Variants in PDE3B observed in about 807,000 individuals in gnomAD.
PDE3B encodes cGMP-inhibited 3',5'-cyclic phosphodiesterase 3B.
In PDE3B, 66 loss-of-function variants were observed where a neutral mutation model predicts 116.8. The observed-to-expected ratio is 0.56, with a 90% CI of 0.46 to 0.69. The LOEUF (loss-of-function observed/expected upper bound fraction) is 0.69. Ranked by LOEUF, PDE3B falls within the 30% of genes least tolerant of loss-of-function variation. PDE3B has a pLI of 0.00. For missense variants in PDE3B, 1,384 were observed against 1,368.1 expected (o/e 1.01, Z -0.18); for synonymous variants, 595 against 533.6 (o/e 1.12, Z -1.59).
chr11:14,830,685 TA>T lies in PDE3B; in HGVS notation c.1808-12del. 3.0e-6 allele frequency: 4 copies of T among 1,345,550 alleles called. No homozygotes were observed. The highest frequency in any genetic ancestry group is 5.2e-5 in the Admixed American group (2 of 38,444). The allele number at this position is 1,345,550 out of a possible 1,614,324, so 83.4% of individuals were successfully genotyped here. Reference sequence around the variant, plus strand: ...TTTTACTCCTATATATTACTATATATATTTTTTGAAAGGTGAAGAAGAAAAC... The same window carrying T: ...TTTTACTCCTATATATTACTATATATTTTTTTGAAAGGTGAAGAAGAAAAC... On this transcript the variant is annotated splice_polypyrimidine_tract_variant and intron_variant, in intron 7 of 15. Coordinates refer to ENST00000282096, the MANE Select transcript of PDE3B (RefSeq NM_000922.4).
At position 14,674,641 on chromosome 11, in the gene PDE3B, A is replaced by T. The variant is rs112055335; in HGVS notation, c.978+29588A>T. ...TTGATTTTCAGCTAACAATCTTCTA[A>T]AGTTGCTGTTATTTGAACTACTTAA... On this transcript the variant is annotated intron_variant, in intron 1 of 15. Transcript: ENST00000282096. The T allele has an allele frequency of 3.0e-3, 874 of 294,944 alleles. 5 individuals are homozygous for T. The highest frequency in any genetic ancestry group is 0.015 in the African/African-American group (662 of 44,986). The allele number at this position is 294,944 out of a possible 1,614,324, so 18.3% of individuals were successfully genotyped here.
At position 14,789,236 on chromosome 11, in the gene PDE3B, T is replaced by C; in HGVS notation, c.1409T>C (p.Ile470Thr). 1.2e-6 allele frequency: 2 copies of C among 1,604,484 alleles called. No individual in the cohort carries two copies. The highest frequency in any genetic ancestry group is 2.7e-5 in the African/African-American group (2 of 74,486). ...NGKRPHQEFG[I>T]SSQGCYLNGP... is the part of the protein sequence containing the mutation. ...AAAAGACCTCACCAAGAATTTGGCA[T>C]TTCAAGGTAAAATCTGCAGAGCCTT... Residue 470 changes from isoleucine (I) to threonine (T), a missense_variant, in exon 4 of 16, where the codon ATT becomes ACT. Around this residue, in one of 2 missense-constraint regions of PDE3B, gnomAD observed 956 missense variants for 806.8 expected, o/e 1.18. Coordinates refer to ENST00000282096, the MANE Select transcript of PDE3B (RefSeq NM_000922.4).
intron 2 of PDE3B, among the ~76,000 whole-genome samples, chr11:14,777,210 A>T (rs1857814552): frequency 6.6e-6 from 1 of 152,168 alleles, no homozygotes; most frequent in African/African-American, 2.4e-5. Flanking sequence ...CCAATTTTAC[A>T]ACATAGAGGA....
At chr11:14,806,720 G>T (rs1191694831) in intron 5 of PDE3B, among the ~76,000 whole-genome samples, 1 of 150,426 alleles carries the variant, frequency 6.6e-6, no homozygotes, top group African/African-American at 2.4e-5. Context: ...TTAGCCGGGC[G>T]TAGTGGCGGG....
chr11:14,668,227 C>G (rs1452201121), intron 1 of PDE3B, among the ~76,000 whole-genome samples: 3 of 152,044 alleles, frequency 2.0e-5, no homozygotes, highest in Non-Finnish European at 2.9e-5. Flanking sequence ...TACTTAAGCT[C>G]AATATTTAAT....
intron 1 of PDE3B, among the ~76,000 whole-genome samples, chr11:14,742,722 TCTAC>T (rs1856805695): frequency 6.6e-6 from 1 of 152,190 alleles, no homozygotes; most frequent in Non-Finnish European, 1.5e-5. Flanking sequence ...TGTGGATTTA[TCTAC>T]CTTTGGTCTT....
At chr11:14,807,530 G>A (rs759410622) in intron 5 of PDE3B, among the ~76,000 whole-genome samples, 1 of 151,534 alleles carries the variant, frequency 6.6e-6, no homozygotes, top group Non-Finnish European at 1.5e-5. Context: ...GAGGTAAAAT[G>A]GCATGATTAA....
At chr11:14,647,759 A>G (rs563051606) in intron 1 of PDE3B, among the ~76,000 whole-genome samples, 1 of 152,130 alleles carries the variant, frequency 6.6e-6, no homozygotes, top group South Asian at 2.1e-4. Flanking sequence ...ATCAATAGAA[A>G]TGTTTTTAAT....
the PDE3B span, among the ~76,000 whole-genome samples, chr11:14,889,989 C>T: frequency 1.1e-3 from 172 of 152,040 alleles, no homozygotes; most frequent in African/African-American, 3.7e-3. Context: ...ATTAGCCGGG[C>T]GTGGTGGCGA....
chr11:14,865,984 T>C (rs1022079820), intron 14 of PDE3B, among the ~76,000 whole-genome samples: 11 of 152,150 alleles, frequency 7.2e-5, no homozygotes, highest in African/African-American at 2.7e-4. Context: ...ATGCCTGAGG[T>C]TGAATCCTGG....
intron 12 of PDE3B, among the ~76,000 whole-genome samples, chr11:14,858,596 C>G (rs932756838): frequency 6.6e-6 from 1 of 152,198 alleles, no homozygotes; most frequent in Admixed American, 6.5e-5. Flanking sequence ...GTACTGCTTC[C>G]TCTTCTTTAG....
intron 1 of PDE3B, among the ~76,000 whole-genome samples, chr11:14,741,029 T>A (rs1398541941): frequency 1.3e-5 from 2 of 151,704 alleles, no homozygotes; most frequent in Non-Finnish European, 2.9e-5. Flanking sequence ...AATTATATGG[T>A]CAATTTTAGA....
At chr11:14,651,705 A>G (rs1853578815) in intron 1 of PDE3B, among the ~76,000 whole-genome samples, 1 of 152,104 alleles carries the variant, frequency 6.6e-6, no homozygotes, top group Non-Finnish European at 1.5e-5. Flanking sequence ...TAGAGATTCA[A>G]TCTCATTTTT....
intron 3 of PDE3B, among the ~76,000 whole-genome samples, chr11:14,787,095 A>T (rs1048275734): frequency 2.0e-4 from 30 of 152,132 alleles, no homozygotes; most frequent in African/African-American, 7.0e-4. Context: ...GAATTATTTT[A>T]AAATGATTTT....
chr11:14,860,343 A>G lies in PDE3B; in HGVS notation c.2725-862A>G, dbSNP rs548694211. On this transcript the variant is annotated intron_variant, in intron 13 of 15. Transcript: ENST00000282096. Reference sequence around the variant, plus strand: ...TTTCAATCAAAAGAGCTCTTCTCTCAAGTGTTTTCTATGGTGGTGTTCTAC... The same window carrying G: ...TTTCAATCAAAAGAGCTCTTCTCTCGAGTGTTTTCTATGGTGGTGTTCTAC... Among the ~76,000 whole-genome samples the G allele has an allele frequency of 1.2e-4, 18 of 144,898 alleles. No homozygotes were observed. In the South Asian group the frequency reaches 3.3e-3, roughly 27 times the overall value.
At chr11:14,722,052 C>T (rs966233481) in intron 1 of PDE3B, among the ~76,000 whole-genome samples, 2 of 151,122 alleles carry the variant, frequency 1.3e-5, no homozygotes, top group Non-Finnish European at 2.9e-5. Context: ...AGCAAACTAT[C>T]GCCAGGACAA....
rs1847902728 is a variant in PDE3B, at chr11:14,859,185, A to G, written c.2663A>G (p.Glu888Gly). 1 of 1,613,680 alleles carries G rather than the reference A, an allele frequency of 6.2e-7. No homozygotes were observed. The highest frequency in any genetic ancestry group is 8.5e-7 in the Non-Finnish European group (1 of 1,179,764). Reference protein sequence around the residue: ...EFKRFRFLVIEAILATDLKKH... With the variant: ...EFKRFRFLVIGAILATDLKKH... The stretch of plus-strand genomic sequence containing the variant: ...AAGCGCTTTCGTTTTTTAGTCATTG[A>G]AGCAATCCTTGCTACGGATCTTAAA... Residue 888 changes from glutamate to glycine, a missense_variant, in exon 13 of 16, where the codon GAA becomes GGA. By Grantham distance (98) the Glu-to-Gly change is moderately conservative. Transcript: ENST00000282096.
chr11:14,869,445 A>G lies in PDE3B; in HGVS notation c.3140-16A>G, dbSNP rs782200047. Reference sequence around the variant, plus strand: ...ATATTGCTATGATTAGAATATATTTATTTTAAATTTCACAGAACCACCAAG... The same window carrying G: ...ATATTGCTATGATTAGAATATATTTGTTTTAAATTTCACAGAACCACCAAG... On this transcript the variant is annotated splice_polypyrimidine_tract_variant and intron_variant, in intron 15 of 15. Coordinates refer to ENST00000282096, the MANE Select transcript of PDE3B (RefSeq NM_000922.4). The G allele has an allele frequency of 6.3e-7, 1 of 1,599,664 alleles. No individual in the cohort carries two copies. The highest frequency in any genetic ancestry group is 2.2e-5 in the East Asian group (1 of 44,780).
intron 1 of PDE3B, among the ~76,000 whole-genome samples, chr11:14,732,953 A>G (rs190526524): frequency 6.6e-6 from 1 of 152,350 alleles, no homozygotes; most frequent in African/African-American, 2.4e-5. Flanking sequence ...ATTGGTTCAT[A>G]TACACCTAAT....
Sources: gnomAD v4.1 joint callset for allele counts (sites outside exome capture counted in the v4.1 genomes callset) on GRCh38, gnomAD v4.1.1 for gene constraint, gnomAD v4.1.1 regional missense constraint, MANE v1.5 for transcripts, NCBI Gene and HGNC (gene_info 2026-07-23, HGNC 2026-07-21) for gene names.